CAMK1D: variants seen among roughly 807,000 people sequenced by gnomAD.
The protein encoded by CAMK1D is calcium/calmodulin dependent protein kinase ID.
Under a neutral mutation model 47.7 loss-of-function variants are expected in CAMK1D, and 9 were observed. That is an observed-to-expected ratio of 0.19 (90% CI 0.11 to 0.33). CAMK1D has a LOEUF of 0.33. CAMK1D is among the 10% of genes least tolerant of loss of function. CAMK1D has a pLI of 1.00. For missense variants in CAMK1D, 291 were observed against 488.7 expected (o/e 0.60, Z 3.81); for synonymous variants, 184 against 184.9 (o/e 0.99, Z 0.04).
chr10:12,529,933 G>A (rs1470554120), intron 1 of CAMK1D, among the ~76,000 whole-genome samples: 1 of 152,122 alleles, frequency 6.6e-6, no homozygotes, highest in Admixed American at 6.5e-5. Context: ...CTCTTGTCCT[G>A]TGCTTTGTGG....
At chr10:12,620,560 T>G (rs1183993002) in intron 2 of CAMK1D, among the ~76,000 whole-genome samples, 1 of 152,222 alleles carries the variant, frequency 6.6e-6, no homozygotes, top group East Asian at 1.9e-4. Flanking sequence ...TGCCATGTGT[T>G]TATCTTCTTT....
At chr10:12,362,431 A>G (rs935750168) in intron 1 of CAMK1D, among the ~76,000 whole-genome samples, 2 of 151,724 alleles carry the variant, frequency 1.3e-5, no homozygotes, top group Non-Finnish European at 2.9e-5. Flanking sequence ...CTAGTGTCTG[A>G]TATAAAATGG....
rs761597069 is a variant in CAMK1D at position 12,600,131 on chromosome 10, G to A, written c.224+46775G>A. ...AATTACGAAGAGAGAGGGAAGGAGG[G>A]TGGGAAGAAGGAAATAGCAGAACAA... On this transcript the variant is annotated intron_variant, in intron 2 of 10. Transcript: ENST00000619168. Among the ~76,000 whole-genome samples, 251 of 152,162 alleles carry A rather than the reference G, an allele frequency of 1.6e-3. 9 individuals carry two copies. Among genetic ancestry groups the A allele is most frequent in the Non-Finnish European group, 3.5e-4 (24 of 67,996 alleles).
intron 1 of CAMK1D, among the ~76,000 whole-genome samples, chr10:12,408,655 A>G (rs1839536123): frequency 6.6e-6 from 1 of 152,068 alleles, no homozygotes; most frequent in African/African-American, 2.4e-5. Flanking sequence ...GGGTGTGGCC[A>G]GCGGAGGTGT....
chr10:12,681,936 T>C (rs1226145923), intron 3 of CAMK1D, among the ~76,000 whole-genome samples: 1 of 152,206 alleles, frequency 6.6e-6, no homozygotes, highest in East Asian at 1.9e-4. Context: ...TAAGAGTTAG[T>C]TGGCTGGGTG....
intron 2 of CAMK1D, among the ~76,000 whole-genome samples, chr10:12,658,270 G>A (rs982632894): frequency 4.6e-5 from 7 of 152,150 alleles, no homozygotes; most frequent in South Asian, 2.1e-4. Flanking sequence ...GAGTATTTTC[G>A]TAAGAAGACA....
intron 8 of CAMK1D, 55 bp downstream of exon 8, chr10:12,816,383 GC>G (rs1015873745): frequency 2.2e-6 from 3 of 1,384,852 alleles, no homozygotes; most frequent in African/African-American, 2.9e-5. Flanking sequence ...TCTGGGGGGG[GC>G]ACGAAACTTC....
intron 1 of CAMK1D, among the ~76,000 whole-genome samples, chr10:12,441,479 G>A (rs576680908): frequency 1.3e-5 from 2 of 151,632 alleles, no homozygotes; most frequent in South Asian, 4.2e-4. Flanking sequence ...TTATAGGTAT[G>A]AGCCACTGTG....
intron 2 of CAMK1D, among the ~76,000 whole-genome samples, chr10:12,609,937 C>T (rs1838572254): frequency 6.6e-6 from 1 of 152,024 alleles, no homozygotes; most frequent in South Asian, 2.1e-4. Flanking sequence ...AAAAATTGTC[C>T]CTTGGATTTA....
chr10:12,452,396 T>G (rs1588501068), intron 1 of CAMK1D, among the ~76,000 whole-genome samples: 3 of 151,844 alleles, frequency 2.0e-5, no homozygotes, highest in Non-Finnish European at 4.4e-5. Context: ...CAGAATGTTA[T>G]GTGGACTGAA....
intron 2 of CAMK1D, among the ~76,000 whole-genome samples, chr10:12,650,569 C>T (rs74560725): frequency 3.5e-4 from 53 of 152,266 alleles, no homozygotes; most frequent in Non-Finnish European, 6.9e-4. Context: ...TGTCTGCACA[C>T]AACGTGCCGC....
chr10:12,818,922 G>T (rs185507434), intron 8 of CAMK1D, among the ~76,000 whole-genome samples: 1 of 152,158 alleles, frequency 6.6e-6, no homozygotes, highest in Non-Finnish European at 1.5e-5. Flanking sequence ...CAAAGTATGC[G>T]ACGATAAAGG....
chr10:12,774,904 C>T (rs1308294011), intron 5 of CAMK1D, among the ~76,000 whole-genome samples: 8 of 152,284 alleles, frequency 5.3e-5, no homozygotes, highest in Admixed American at 5.2e-4. Flanking sequence ...AAACAATTGT[C>T]TTCCGTGAAA....
intron 1 of CAMK1D, among the ~76,000 whole-genome samples, chr10:12,362,093 T>C (rs1231468599): frequency 6.6e-6 from 1 of 152,098 alleles, no homozygotes; most frequent in Non-Finnish European, 1.5e-5. Context: ...AAAAAATACA[T>C]AGTATAAAAC....
At chr10:12,351,926 A>G (rs1488492097) in intron 1 of CAMK1D, among the ~76,000 whole-genome samples, 1 of 152,204 alleles carries the variant, frequency 6.6e-6, no homozygotes, top group Non-Finnish European at 1.5e-5. Flanking sequence ...AGAATGATAG[A>G]AACAGTGTGA....
chr10:12,634,226 C>T (rs1198190487), intron 2 of CAMK1D, among the ~76,000 whole-genome samples: 3 of 152,210 alleles, frequency 2.0e-5, no homozygotes, highest in Non-Finnish European at 4.4e-5. Context: ...GTCCTAGCAT[C>T]GTCCTTTCTC....
At chr10:12,566,596 G>T (rs1837131852) in intron 2 of CAMK1D, among the ~76,000 whole-genome samples, 1 of 152,218 alleles carries the variant, frequency 6.6e-6, no homozygotes, top group Non-Finnish European at 1.5e-5. Context: ...GAGGAAAGGG[G>T]TGCAGAGAGG....
chr10:12,387,259 T>A (rs1400816308), intron 1 of CAMK1D, among the ~76,000 whole-genome samples: 1 of 147,626 alleles, frequency 6.8e-6, no homozygotes, highest in East Asian at 2.0e-4. Flanking sequence ...TTGCTATTCA[T>A]AGAGTAGTGA....
intron 2 of CAMK1D, among the ~76,000 whole-genome samples, chr10:12,561,768 A>G (rs1836951486): frequency 6.6e-6 from 1 of 152,238 alleles, no homozygotes. Context: ...TGTCCCTTGC[A>G]AAAATCAAAA....
Sources: allele counts gnomAD v4.1 joint callset (sites outside exome capture counted in the v4.1 genomes callset), GRCh38; gene constraint gnomAD v4.1.1; transcripts MANE v1.5; gene names NCBI Gene and HGNC (gene_info 2026-07-23, HGNC 2026-07-21).